The following CTNNA3 variants were observed in gnomAD, a reference collection of about 807,000 sequenced individuals.
CTNNA3 encodes catenin alpha 3.
A neutral mutation model predicts 95.7 loss-of-function variants in CTNNA3; 76 were observed. The observed-to-expected ratio is 0.79, with a 90% confidence interval of 0.66 to 0.96. The LOEUF (loss-of-function observed/expected upper bound fraction) is 0.96, where lower values mean the gene tolerates loss of function less well. Ranked by LOEUF, CTNNA3 falls within the 40% of genes least tolerant of loss-of-function variation. The probability of loss-of-function intolerance (pLI) is 0.00; values close to 1 mark genes in which losing one functional copy is unlikely to be tolerated. For missense variants in CTNNA3, 1,191 were observed against 1,089.8 expected, an observed-to-expected ratio of 1.09 and a Z score of -1.31; for synonymous variants, 431 against 374.4, an observed-to-expected ratio of 1.15 and a Z score of -1.74.
chr10:66,180,891 TA>T (rs930494745), intron 13 of CTNNA3, among the ~76,000 whole-genome samples: 3 of 152,124 alleles, frequency 2.0e-5, no homozygotes, highest in African/African-American at 7.2e-5. Flanking sequence ...ACTTCCGGCC[TA>T]AATTCTGTTT....
Position 66,641,804 on chromosome 10 carries a change from T to A in CTNNA3, c.1282-20020A>T, listed in dbSNP as rs144533007. ...ATAATGGTCTGCTTTGCTGTCTCCTTGTTAAAAGTACTTCAAAATGTATGC... is the reference window on the plus strand; with the variant it reads ...ATAATGGTCTGCTTTGCTGTCTCCTAGTTAAAAGTACTTCAAAATGTATGC... On this transcript the variant is annotated intron_variant, in intron 9 of 17. Transcript: ENST00000433211. Among the ~76,000 whole-genome samples, 618 of 152,250 alleles carry A rather than the reference T, an allele frequency of 4.1e-3. 5 individuals are homozygous for A. Among genetic ancestry groups the A allele is most frequent in the African/African-American group, 0.014 (568 of 41,560 alleles).
chr10:66,387,947 G>T (rs554312701), intron 11 of CTNNA3, among the ~76,000 whole-genome samples: 18 of 152,164 alleles, frequency 1.2e-4, no homozygotes, highest in African/African-American at 4.3e-4. Flanking sequence ...GCCTGTCAGG[G>T]GATGGAGGGC....
chr10:66,187,845 A>C (rs577147809), intron 13 of CTNNA3, among the ~76,000 whole-genome samples: 11 of 152,282 alleles, frequency 7.2e-5, no homozygotes, highest in African/African-American at 2.6e-4. Context: ...TCTAGTTTTC[A>C]ATAAGGAATT....
At chr10:67,384,360 G>A (rs1180124684) in intron 5 of CTNNA3, among the ~76,000 whole-genome samples, 1 of 152,120 alleles carries the variant, frequency 6.6e-6, no homozygotes, top group Non-Finnish European at 1.5e-5. Context: ...TTGGAATTAA[G>A]ATGTTTTAAT....
chr10:66,772,953 A>T (rs1466331403), intron 8 of CTNNA3, among the ~76,000 whole-genome samples: 1 of 152,236 alleles, frequency 6.6e-6, no homozygotes, highest in Non-Finnish European at 1.5e-5. Context: ...AAAACATTTT[A>T]AGGGCAGTGC....
At chr10:66,278,065 A>G (rs2091429106) in intron 13 of CTNNA3, among the ~76,000 whole-genome samples, 1 of 151,100 alleles carries the variant, frequency 6.6e-6, no homozygotes, top group Non-Finnish European at 1.5e-5. Context: ...TGATAAATTC[A>G]ACAACCAAAC....
chr10:66,246,258 C>G (rs1228806829), intron 13 of CTNNA3, among the ~76,000 whole-genome samples: 2 of 152,122 alleles, frequency 1.3e-5, no homozygotes. Flanking sequence ...TTCCTGGGAC[C>G]CCAAGAGTGC....
intron 13 of CTNNA3, among the ~76,000 whole-genome samples, chr10:66,167,299 A>G (rs1039332293): frequency 6.6e-6 from 1 of 152,302 alleles, no homozygotes; most frequent in Non-Finnish European, 1.5e-5. Context: ...ATGTTAGATT[A>G]CTAAAGAATA....
chr10:67,640,435 T>A (rs1839488545), intron 2 of CTNNA3, among the ~76,000 whole-genome samples: 1 of 152,112 alleles, frequency 6.6e-6, no homozygotes, highest in African/African-American at 2.4e-5. Context: ...CTGCCCAAGG[T>A]AATTTATATA....
At chr10:67,491,498 G>T (rs925418977) in intron 5 of CTNNA3, among the ~76,000 whole-genome samples, 3 of 152,194 alleles carry the variant, frequency 2.0e-5, no homozygotes, top group African/African-American at 7.2e-5. Context: ...TGCAACTGAA[G>T]TACAAGTAAG....
chr10:66,214,417 G>A (rs1033539492), intron 13 of CTNNA3, among the ~76,000 whole-genome samples: 4 of 152,008 alleles, frequency 2.6e-5, no homozygotes, highest in Non-Finnish European at 5.9e-5. Flanking sequence ...ATTTTACTAT[G>A]TTATTTGTGA....
chr10:66,385,972 C>A (rs911163208), intron 11 of CTNNA3, among the ~76,000 whole-genome samples: 3 of 152,116 alleles, frequency 2.0e-5, no homozygotes, highest in African/African-American at 7.2e-5. Context: ...ATGACAAACC[C>A]ACAGCCCCCA....
intron 5 of CTNNA3, among the ~76,000 whole-genome samples, chr10:67,242,814 AG>A (rs796550829): frequency 2.0e-5 from 3 of 152,362 alleles, no homozygotes; most frequent in African/African-American, 7.2e-5. Flanking sequence ...TAATGGAAAT[AG>A]CATAAGCTTT....
chr10:66,240,176 C>T (rs1289550107), intron 13 of CTNNA3, among the ~76,000 whole-genome samples: 1 of 151,824 alleles, frequency 6.6e-6, no homozygotes, highest in East Asian at 1.9e-4. Context: ...GCTATAATTG[C>T]CACTTTCTAC....
At chr10:65,944,262 G>A (rs2077476124) in intron 17 of CTNNA3, among the ~76,000 whole-genome samples, 1 of 152,218 alleles carries the variant, frequency 6.6e-6, no homozygotes, top group Non-Finnish European at 1.5e-5. Context: ...TTTCCCTGGA[G>A]CTCGTTTGTC....
At chr10:66,917,714 C>T (rs1397774793) in intron 7 of CTNNA3, among the ~76,000 whole-genome samples, 4 of 152,148 alleles carry the variant, frequency 2.6e-5, no homozygotes, top group Non-Finnish European at 5.9e-5. Context: ...AATTTTAAAA[C>T]ACACCAGTGT....
intron 1 of CTNNA3, among the ~76,000 whole-genome samples, chr10:67,685,997 T>C (rs1329101209): frequency 6.6e-6 from 1 of 152,192 alleles, no homozygotes; most frequent in Non-Finnish European, 1.5e-5. Flanking sequence ...TTTCTTTCTC[T>C]CCATCTTTTC....
chr10:65,958,973 T>A (rs570033674), intron 17 of CTNNA3, among the ~76,000 whole-genome samples: 1 of 152,364 alleles, frequency 6.6e-6, no homozygotes, highest in African/African-American at 2.4e-5. Flanking sequence ...TTTGTTCAGC[T>A]ATGCCCTGCC....
At chr10:67,092,729 T>C (rs10740268) in intron 7 of CTNNA3, among the ~76,000 whole-genome samples, 16,624 of 152,020 alleles carry the variant, frequency 0.11, 1,091 homozygotes, top group African/African-American at 0.18. Context: ...TTTAACCATC[T>C]AACTTTGTAC....
Sources: allele counts gnomAD v4.1 joint callset (sites outside exome capture counted in the v4.1 genomes callset), GRCh38; gene constraint gnomAD v4.1.1; transcripts MANE v1.5; gene names NCBI Gene and HGNC (gene_info 2026-07-23, HGNC 2026-07-21).